CACNA2D2: variants seen among roughly 807,000 people sequenced by gnomAD.
The protein encoded by CACNA2D2 is voltage-dependent calcium channel subunit alpha-2/delta-2.
Under a neutral mutation model 166.4 loss-of-function variants are expected in CACNA2D2, and 48 were observed. The observed-to-expected ratio is 0.29, with a 90% CI of 0.23 to 0.37. The LOEUF is 0.37. CACNA2D2 is among the 10% of genes least tolerant of loss of function. CACNA2D2 has a pLI of 1.00. For synonymous variants in CACNA2D2, 561 were observed against 573.7 expected, an observed-to-expected ratio of 0.98 and a Z score of 0.32; for missense variants, 1,122 against 1,433.0, an observed-to-expected ratio of 0.78 and a Z score of 3.50.
chr3:50,410,699 G>GTTT (rs1351863055), intron 3 of CACNA2D2, among the ~76,000 whole-genome samples: 1 of 152,244 alleles, frequency 6.6e-6, no homozygotes, highest in Non-Finnish European at 1.5e-5. Context: ...AAGGGAAAGG[G>GTTT]GGTAAGTGGG....
At position 50,378,867 on chromosome 3, in the gene CACNA2D2, AAAAG is replaced by A. The variant is rs776417589; in HGVS notation, c.1339+44_1339+47del. The A allele has an allele frequency of 2.0e-4, 330 of 1,610,232 alleles. 3 individuals are homozygous for A. Among genetic ancestry groups the A allele is most frequent in the Admixed American group, 1.3e-4 (8 of 59,980 alleles). ...GCCAGTTGAACATACGCAATCGACA[AAAAG>A]AAATGGCAGGCAGGCCCCTGACAGT... On this transcript the variant is annotated intron_variant, in intron 13 of 37. Transcript: ENST00000424201.
At chr3:50,413,559 T>C (rs573740481) in intron 3 of CACNA2D2, among the ~76,000 whole-genome samples, 26 of 152,200 alleles carry the variant, frequency 1.7e-4, no homozygotes, top group African/African-American at 5.8e-4. Flanking sequence ...TTGAGGTCCC[T>C]AGGCTGGCTG....
intron 3 of CACNA2D2, among the ~76,000 whole-genome samples, chr3:50,411,695 G>A (rs1707024888): frequency 6.6e-6 from 1 of 152,238 alleles, no homozygotes; most frequent in Non-Finnish European, 1.5e-5. Flanking sequence ...AAACCTGGCA[G>A]AAGGAGAAGC....
At chr3:50,415,786 T>C (rs1173308504) in intron 3 of CACNA2D2, 1 of 152,282 alleles carries the variant, frequency 6.6e-6, no homozygotes, top group Non-Finnish European at 1.5e-5. Context: ...AATGAATCAA[T>C]GAATGAATGG....
intron 1 of CACNA2D2, among the ~76,000 whole-genome samples, chr3:50,488,443 C>G (rs999419585): frequency 2.0e-5 from 3 of 152,134 alleles, no homozygotes; most frequent in Admixed American, 6.5e-5. Context: ...GGTGCAGAGC[C>G]TCTTCCCCCC....
chr3:50,420,075 C>T (rs1707474776), intron 3 of CACNA2D2, among the ~76,000 whole-genome samples: 1 of 152,254 alleles, frequency 6.6e-6, no homozygotes, highest in South Asian at 2.1e-4. Flanking sequence ...CTTCCCTCCA[C>T]CTCTCCTTCT....
intron 6 of CACNA2D2, among the ~76,000 whole-genome samples, chr3:50,381,951 C>T (rs1221171080): frequency 6.7e-6 from 1 of 149,784 alleles, no homozygotes; most frequent in South Asian, 2.1e-4. Context: ...TGTAGTTGCA[C>T]GTGTGTGATC....
intron 13 of CACNA2D2, 103 bp downstream of exon 13, chr3:50,378,812 C>A: frequency 7.3e-7 from 1 of 1,368,366 alleles, no homozygotes; most frequent in South Asian, 1.2e-5. Context: ...TGTCTTGCAG[C>A]GGGTGAACAC....
Position 50,366,865 on chromosome 3 carries a change from G to A in CACNA2D2, c.2555C>T (p.Ala852Val). 6.2e-7 allele frequency: 1 copy of A among 1,613,528 alleles called. No homozygotes were observed. ...EAWAEKFKVL[A>V]SNRTHQDQPQ... ...CTGGTCTTGGTGGGTACGGTTGCTG[G>A]CTAGCACCTTGAACTTCTCAGCCCA... Residue 852 changes from alanine (A) to valine (V), a missense_variant, in exon 29 of 38, where the codon GCC becomes GTC. Ala to Val is a moderately conservative substitution (Grantham distance 64). Transcript: ENST00000424201. The surrounding 1 kb of genome is among the most constrained non-coding windows in gnomAD (Gnocchi z 5.9).
chr3:50,502,986 G>A (rs959408095), intron 1 of CACNA2D2, among the ~76,000 whole-genome samples: 3 of 152,200 alleles, frequency 2.0e-5, no homozygotes, highest in African/African-American at 4.8e-5. Context: ...TGCCTCATTC[G>A]GGGGATTTGG....
intron 4 of CACNA2D2, 102 bp downstream of exon 4, chr3:50,394,005 CCT>C: frequency 2.0e-6 from 2 of 979,980 alleles, no homozygotes; most frequent in South Asian, 1.4e-5. Flanking sequence ...TCCACAGACC[CCT>C]CTGTGTCCCT....
At chr3:50,489,616 A>ACTGGGG (rs57886892) in intron 1 of CACNA2D2, among the ~76,000 whole-genome samples, 23,077 of 135,436 alleles carry the variant, frequency 0.17, 3,187 homozygotes, top group African/African-American at 0.35. Context: ...AGCCTCCAAA[A>ACTGGGG]CTGGGGCTGG....
At chr3:50,411,973 C>T (rs1023792205) in intron 3 of CACNA2D2, among the ~76,000 whole-genome samples, 1 of 152,210 alleles carries the variant, frequency 6.6e-6, no homozygotes, top group African/African-American at 2.4e-5. Context: ...CCCACAACCC[C>T]CAAACACCTT....
At chr3:50,382,723 T>G (rs1705382632) in intron 6 of CACNA2D2, among the ~76,000 whole-genome samples, 1 of 152,218 alleles carries the variant, frequency 6.6e-6, no homozygotes, top group South Asian at 2.1e-4. Flanking sequence ...CTGTTTGCCC[T>G]GAGAGAGTCT....
chr3:50,467,154 C>T (rs1443351816), intron 2 of CACNA2D2, among the ~76,000 whole-genome samples: 1 of 152,184 alleles, frequency 6.6e-6, no homozygotes, highest in Non-Finnish European at 1.5e-5. Context: ...CTTCAAGTCA[C>T]TCTAGGAATG....
intron 3 of CACNA2D2, among the ~76,000 whole-genome samples, chr3:50,424,723 G>C (rs1412515632): frequency 6.6e-6 from 1 of 152,200 alleles, no homozygotes; most frequent in Non-Finnish European, 1.5e-5. Context: ...TCAGTAAACA[G>C]AAGCTGAAGC....
chr3:50,475,871 C>A (rs1250838424), intron 2 of CACNA2D2, among the ~76,000 whole-genome samples: 2 of 152,170 alleles, frequency 1.3e-5, no homozygotes, highest in Non-Finnish European at 2.9e-5. Context: ...AGCTCCAAAT[C>A]CCTTTCAGCA....
chr3:50,498,757 C>T (rs930304043), intron 1 of CACNA2D2, among the ~76,000 whole-genome samples: 2 of 152,218 alleles, frequency 1.3e-5, no homozygotes, highest in Admixed American at 1.3e-4. Context: ...GCCCAGCTCT[C>T]ATATCCTAGG....
At position 50,499,486 on chromosome 3, in the gene CACNA2D2, C is replaced by A. The variant is rs116134261; in HGVS notation, c.206+3732G>T. 4.1e-3 allele frequency among the ~76,000 whole-genome samples: 628 copies of A among 152,330 alleles called. 6 individuals carry two copies. Among genetic ancestry groups the A allele is most frequent in the African/African-American group, 0.014 (593 of 41,562 alleles). ...TCACCACCAGCCTCTTAAGCAGATT[C>A]TATCATTTCAATTGTGGAAACTAAG... is the stretch of plus-strand genomic sequence containing the variant. On this transcript the variant is annotated intron_variant, in intron 1 of 37. Coordinates refer to ENST00000424201, the MANE Select transcript of CACNA2D2 (RefSeq NM_006030.4).
Sources: gnomAD v4.1 joint callset for allele counts (sites outside exome capture counted in the v4.1 genomes callset) on GRCh38, gnomAD v4.1.1 for gene constraint, Gnocchi (gnomAD v3.1) non-coding constraint, MANE v1.5 for transcripts, NCBI Gene and HGNC (gene_info 2026-07-23, HGNC 2026-07-21) for gene names.